P3H2: variants seen among roughly 807,000 people sequenced by gnomAD.
P3H2 encodes prolyl 3-hydroxylase 2.
In P3H2, 80 loss-of-function variants were observed where a neutral mutation model predicts 87.0. The ratio of observed to expected loss-of-function variants is 0.92; its 90% CI spans 0.77 to 1.11. The LOEUF is 1.11. P3H2 is among the 50% of genes least tolerant of loss of function. P3H2 has a pLI of 0.00. For synonymous variants in P3H2, 367 were observed against 359.3 expected, an observed-to-expected ratio of 1.02 and a Z score of -0.24; for missense variants, 1,001 against 923.9, an observed-to-expected ratio of 1.08 and a Z score of -1.08.
At chr3:189,990,100 G>A (rs1723833082) in intron 3 of P3H2, among the ~76,000 whole-genome samples, 1 of 151,984 alleles carries the variant, frequency 6.6e-6, no homozygotes, top group Non-Finnish European at 1.5e-5. Flanking sequence ...TCTGAGTTTG[G>A]CTTGGATCTT....
intron 1 of P3H2, among the ~76,000 whole-genome samples, chr3:190,051,347 G>C (rs541963193): frequency 2.6e-5 from 2 of 77,180 alleles, no homozygotes; most frequent in South Asian, 9.9e-4. Flanking sequence ...AAATGACATA[G>C]AATTTTATGG....
At chr3:189,987,262 G>A (rs1358522623) in intron 5 of P3H2, among the ~76,000 whole-genome samples, 2 of 152,020 alleles carry the variant, frequency 1.3e-5, no homozygotes, top group Non-Finnish European at 1.5e-5. Flanking sequence ...ATCACCTGAG[G>A]TCGGGAGTTC....
intron 8 of P3H2, among the ~76,000 whole-genome samples, chr3:189,978,151 A>G (rs1166760530): frequency 6.6e-6 from 1 of 152,222 alleles, no homozygotes; most frequent in Non-Finnish European, 1.5e-5. Context: ...ATAAAAACTC[A>G]AATAGAAATG....
chr3:189,957,305 G>A lies in P3H2; in HGVS notation c.*607C>T, dbSNP rs867199996. The A allele has an allele frequency of 7.5e-6, 3 of 399,756 alleles. No homozygotes were observed. The highest frequency in any genetic ancestry group is 1.3e-4 in the South Asian group (1 of 7,556). The allele number at this position is 399,756 out of a possible 1,614,324, so 24.8% of individuals were successfully genotyped here. Reference sequence around the variant, plus strand: ...ATGGCCGTTAGCACCTAAGGATGTGGCTGAAAGGCACAGAGCAAGAAAGGG... The same window carrying A: ...ATGGCCGTTAGCACCTAAGGATGTGACTGAAAGGCACAGAGCAAGAAAGGG... On this transcript the variant is annotated 3_prime_UTR_variant, in exon 15 of 15. Coordinates refer to ENST00000319332, the MANE Select transcript of P3H2 (RefSeq NM_018192.4).
chr3:189,965,064 C>A (rs956805871), intron 13 of P3H2, among the ~76,000 whole-genome samples: 26 of 151,272 alleles, frequency 1.7e-4, no homozygotes, highest in African/African-American at 5.8e-4. Flanking sequence ...AAAGTAAAAC[C>A]AAAAAAAAGT....
chr3:190,040,692 A>C (rs1725578501), intron 1 of P3H2, among the ~76,000 whole-genome samples: 1 of 152,112 alleles, frequency 6.6e-6, no homozygotes, highest in Non-Finnish European at 1.5e-5. Flanking sequence ...GACAAACTGC[A>C]TCATTGCCTG....
At chr3:190,028,122 G>C (rs970292512) in intron 1 of P3H2, among the ~76,000 whole-genome samples, 6 of 152,078 alleles carry the variant, frequency 3.9e-5, no homozygotes, top group Admixed American at 3.3e-4. Flanking sequence ...CTAGAAGAAT[G>C]ATTGATAATT....
chr3:190,045,717 A>C (rs1179804348), intron 1 of P3H2, among the ~76,000 whole-genome samples: 20 of 152,144 alleles, frequency 1.3e-4, no homozygotes, highest in Non-Finnish European at 5.9e-5. Flanking sequence ...TGATTCAATC[A>C]GTTGAAAGCC....
At chr3:189,966,155 G>T (rs1722995586) in intron 13 of P3H2, among the ~76,000 whole-genome samples, 1 of 143,252 alleles carries the variant, frequency 7.0e-6, no homozygotes, top group Non-Finnish European at 1.5e-5. Context: ...AAGAAAGAAA[G>T]AAAGAAAGAA....
At chr3:189,973,491 T>TTTTC (rs201158680) in intron 10 of P3H2, among the ~76,000 whole-genome samples, 40 of 102,632 alleles carry the variant, frequency 3.9e-4, no homozygotes, top group African/African-American at 1.3e-3. Flanking sequence ...TTCAAAACTT[T>TTTTC]TTTCTTTCTT....
intron 8 of P3H2, among the ~76,000 whole-genome samples, chr3:189,978,756 TA>T (rs761021743): frequency 6.6e-6 from 1 of 151,116 alleles, no homozygotes; most frequent in Non-Finnish European, 1.5e-5. Flanking sequence ...TCCATATGAC[TA>T]CCAGTCTTAA....
intron 1 of P3H2, among the ~76,000 whole-genome samples, chr3:190,097,629 G>T (rs1727627294): frequency 7.4e-6 from 1 of 134,822 alleles, no homozygotes; most frequent in Non-Finnish European, 1.5e-5. Flanking sequence ...ATTGTTGTTG[G>T]ATTACCCACA....
chr3:190,043,978 A>T (rs902933592), intron 1 of P3H2, among the ~76,000 whole-genome samples: 1 of 152,186 alleles, frequency 6.6e-6, no homozygotes, highest in Non-Finnish European at 1.5e-5. Flanking sequence ...AAAACAACAG[A>T]ACTGTATTGC....
chr3:190,081,581 C>T (rs1727046796), intron 1 of P3H2, among the ~76,000 whole-genome samples: 1 of 152,134 alleles, frequency 6.6e-6, no homozygotes, highest in Non-Finnish European at 1.5e-5. Context: ...GCCACTTTCT[C>T]CTCTTCAGGC....
chr3:190,046,623 A>G (rs1489510053), intron 1 of P3H2, among the ~76,000 whole-genome samples: 4 of 45,236 alleles, frequency 8.8e-5, no homozygotes, highest in Non-Finnish European at 1.6e-4. Context: ...CAACACTATA[A>G]TCTCACAATC....
At chr3:190,017,876 T>C (rs2108938801) in intron 1 of P3H2, among the ~76,000 whole-genome samples, 2 of 152,358 alleles carry the variant, frequency 1.3e-5, no homozygotes, top group Middle Eastern at 6.8e-3. Flanking sequence ...AGAAAAGTGC[T>C]TCAATGGCAA....
chr3:190,076,236 A>G (rs1019093770), intron 1 of P3H2, among the ~76,000 whole-genome samples: 5 of 151,992 alleles, frequency 3.3e-5, no homozygotes, highest in African/African-American at 1.2e-4. Flanking sequence ...AGTGTCCTTA[A>G]TTTTGAGATA....
At chr3:190,087,398 G>T (rs1251687520) in intron 1 of P3H2, among the ~76,000 whole-genome samples, 1 of 150,938 alleles carries the variant, frequency 6.6e-6, no homozygotes, top group African/African-American at 2.5e-5. Flanking sequence ...AAAGAAATTA[G>T]CTGGGTGTGG....
chr3:190,047,405 C>T (rs1623972), intron 1 of P3H2, among the ~76,000 whole-genome samples: 124,028 of 151,784 alleles, frequency 0.82, 50,853 homozygotes, highest in East Asian at 0.88. Context: ...GGAAAGGAAA[C>T]TAGTGTATTA....
Sources: allele counts gnomAD v4.1 joint callset (sites outside exome capture counted in the v4.1 genomes callset), GRCh38; gene constraint gnomAD v4.1.1; transcripts MANE v1.5; gene names NCBI Gene and HGNC (gene_info 2026-07-23, HGNC 2026-07-21).